The following SLC4A8 variants were observed in gnomAD, a reference collection of about 807,000 sequenced individuals.
SLC4A8 encodes the protein solute carrier family 4 member 8.
SLC4A8 carries 40 observed loss-of-function variants against 125.0 expected under a neutral mutation model. That is an observed-to-expected ratio of 0.32 (90% CI 0.25 to 0.42). SLC4A8 has a LOEUF of 0.42. Among genes scored for constraint, SLC4A8 ranks in the 10% least tolerant of loss-of-function variants. The probability of loss-of-function intolerance (pLI) is 1.00; values close to 1 mark genes in which losing one functional copy is unlikely to be tolerated. For missense variants in SLC4A8, 863 were observed against 1,355.1 expected, an observed-to-expected ratio of 0.64 and a Z score of 5.70; for synonymous variants, 456 against 476.0, an observed-to-expected ratio of 0.96 and a Z score of 0.55.
Position 51,510,382 on chromosome 12 carries a change from C to G in SLC4A8, c.*2944C>G. 1 of 147,400 alleles carries G rather than the reference C, an allele frequency of 6.8e-6. No homozygotes were observed. Among genetic ancestry groups the G allele is most frequent in the East Asian group, 2.0e-4 (1 of 4,894 alleles). 9.1% of individuals were successfully genotyped at this position (147,400 alleles called of 1,614,324 possible). A position where few individuals can be genotyped will look rare whatever the true frequency, so the allele number is the denominator to read the frequency against. On this transcript the variant is annotated 3_prime_UTR_variant, in exon 25 of 25. Coordinates refer to ENST00000453097, the MANE Select transcript of SLC4A8 (RefSeq NM_001039960.3). ...GAGCTTGCAGTGAGCCGAGATCATG[C>G]CACTGCACTCCAGCCTGGGTGACAG...
chr12:51,493,297 A>C (rs1408507406), intron 19 of SLC4A8, among the ~76,000 whole-genome samples: 1 of 152,130 alleles, frequency 6.6e-6, no homozygotes, highest in African/African-American at 2.4e-5. Context: ...TTTTTGGTTC[A>C]CGTTAAAATA....
At chr12:51,459,317 A>G (rs1425992221) in intron 7 of SLC4A8, among the ~76,000 whole-genome samples, 4 of 152,188 alleles carry the variant, frequency 2.6e-5, no homozygotes, top group African/African-American at 9.7e-5. Context: ...CTTCAGAAAC[A>G]TTTCTCTTGG....
intron 1 of SLC4A8, among the ~76,000 whole-genome samples, chr12:51,433,882 T>TA (rs1949302212): frequency 2.9e-5 from 1 of 34,976 alleles, no homozygotes; most frequent in Admixed American, 2.5e-4. Flanking sequence ...TTTTTTTGGT[T>TA]GGTTTTTTTT....
intron 1 of SLC4A8, among the ~76,000 whole-genome samples, chr12:51,429,103 G>A (rs1379785674): frequency 1.3e-5 from 2 of 151,950 alleles, no homozygotes; most frequent in Non-Finnish European, 2.9e-5. Flanking sequence ...GTAGAGATGG[G>A]GTTTCACCAT....
chr12:51,471,653 C>T (rs562700044), intron 14 of SLC4A8, 121 bp downstream of exon 14: 161 of 1,108,620 alleles, frequency 1.5e-4, no homozygotes, highest in Middle Eastern at 2.2e-4. Context: ...CTTTAGGAAA[C>T]GGATCTCAGA....
chr12:51,474,948 A>G (rs1160787125), intron 15 of SLC4A8, 97 bp from the exon 16 acceptor site: 2 of 1,166,374 alleles, frequency 1.7e-6, no homozygotes, highest in East Asian at 2.4e-5. Flanking sequence ...TCTGCTCCCA[A>G]CAACCATGGG....
rs17125848 is a variant in SLC4A8 at position 51,475,748 on chromosome 12, T to C, written c.2172+542T>C. Among the ~76,000 whole-genome samples, 1,376 of 152,336 alleles carry C rather than the reference T, an allele frequency of 9.0e-3. 18 individuals are homozygous for C. Among genetic ancestry groups the C allele is most frequent in the African/African-American group, 0.031 (1,305 of 41,558 alleles). On this transcript the variant is annotated intron_variant, in intron 16 of 24. Coordinates refer to ENST00000453097, the MANE Select transcript of SLC4A8 (RefSeq NM_001039960.3). ...GATGCAGATAGCATTGTTTGTATTA[T>C]GAGCAAGGCTTTTGCCAGTTTTGGC...
At chr12:51,482,144 G>A (rs1951047781) in intron 16 of SLC4A8, among the ~76,000 whole-genome samples, 2 of 151,958 alleles carry the variant, frequency 1.3e-5, no homozygotes, top group Admixed American at 1.3e-4. Flanking sequence ...TTGAAATTTG[G>A]CTTGCCAAAT....
At chr12:51,415,246 T>G (rs1165194420) in intron 1 of SLC4A8, among the ~76,000 whole-genome samples, 1 of 152,206 alleles carries the variant, frequency 6.6e-6, no homozygotes, top group Non-Finnish European at 1.5e-5. Flanking sequence ...ACAGTAATGC[T>G]GGCCTCATGG....
intron 1 of SLC4A8, 112 bp from the exon 2 acceptor site, chr12:51,440,596 T>G: frequency 1.4e-6 from 1 of 725,734 alleles, no homozygotes; most frequent in Non-Finnish European, 2.3e-6. Flanking sequence ...AAAATACAGG[T>G]AAACAATTGT....
rs193064806 is a variant in SLC4A8, at chr12:51,479,325, T to C, written c.2172+4119T>C. Among the ~76,000 whole-genome samples the C allele has an allele frequency of 6.6e-5, 10 of 152,308 alleles. No individual in the cohort carries two copies. The East Asian group carries it at 1.9e-3, about 29-fold the overall frequency. On this transcript the variant is annotated intron_variant, in intron 16 of 24. Transcript: ENST00000453097. Reference sequence around the variant, plus strand: ...CCACACAGGCGTCAAAAATGGATTGTCTTCAATTATGTTACAAAGCAAACA... The same window carrying C: ...CCACACAGGCGTCAAAAATGGATTGCCTTCAATTATGTTACAAAGCAAACA...
intron 1 of SLC4A8, among the ~76,000 whole-genome samples, chr12:51,416,468 C>A (rs1185305006): frequency 1.3e-5 from 2 of 151,848 alleles, no homozygotes; most frequent in Non-Finnish European, 2.9e-5. Context: ...CAAGGTGAAA[C>A]CCCATCTCTA....
At chr12:51,496,818 CAT>C (rs1365999412) in intron 21 of SLC4A8, among the ~76,000 whole-genome samples, 167 bp from the exon 22 acceptor site, 1 of 152,156 alleles carries the variant, frequency 6.6e-6, no homozygotes, top group African/African-American at 2.4e-5. Context: ...GTATGTAACA[CAT>C]GTTACCTGGC....
chr12:51,458,782 A>G, intron 7 of SLC4A8, 132 bp downstream of exon 7: 1 of 630,934 alleles, frequency 1.6e-6, no homozygotes, highest in Non-Finnish European at 2.8e-6. Context: ...CCCTTTCTGC[A>G]TAAAAGGGGG....
intron 1 of SLC4A8, among the ~76,000 whole-genome samples, chr12:51,425,758 C>T (rs1296039191): frequency 6.6e-6 from 1 of 152,236 alleles, no homozygotes; most frequent in Non-Finnish European, 1.5e-5. Flanking sequence ...CTCTGCCTCA[C>T]ACAAACTTTG....
intron 1 of SLC4A8, among the ~76,000 whole-genome samples, chr12:51,436,209 T>G (rs895450656): frequency 1.3e-5 from 2 of 152,226 alleles, no homozygotes; most frequent in African/African-American, 4.8e-5. Context: ...GCTACTCATT[T>G]GTTTTATCTC....
intron 1 of SLC4A8, among the ~76,000 whole-genome samples, chr12:51,436,080 A>G (rs1174988899): frequency 6.6e-6 from 1 of 152,216 alleles, no homozygotes; most frequent in Non-Finnish European, 1.5e-5. Context: ...GATACTTCCA[A>G]TTCAATTTAG....
intron 19 of SLC4A8, among the ~76,000 whole-genome samples, chr12:51,492,208 A>G (rs1333327864): frequency 6.6e-6 from 1 of 152,150 alleles, no homozygotes; most frequent in African/African-American, 2.4e-5. Flanking sequence ...TTACGGCTGT[A>G]TTCCCAGGTG....
At chr12:51,466,827 A>G (rs946245445) in intron 11 of SLC4A8, among the ~76,000 whole-genome samples, 6 of 152,186 alleles carry the variant, frequency 3.9e-5, no homozygotes, top group Middle Eastern at 3.4e-3. Context: ...TTCCCTTTCT[A>G]TGGCTTCTTA....
Sources: gnomAD v4.1 joint callset for allele counts (sites outside exome capture counted in the v4.1 genomes callset) on GRCh38, gnomAD v4.1.1 for gene constraint, MANE v1.5 for transcripts, NCBI Gene and HGNC (gene_info 2026-07-23, HGNC 2026-07-21) for gene names.